The following RSRC1 variants were observed in gnomAD, a reference collection of about 807,000 sequenced individuals.
The protein encoded by RSRC1 is serine/Arginine-related protein 53.
RSRC1 carries 39 observed loss-of-function variants against 49.1 expected under a neutral mutation model. The ratio of observed to expected loss-of-function variants is 0.79; its 90% CI spans 0.61 to 1.04. The LOEUF (loss-of-function observed/expected upper bound fraction) is 1.04, where lower values mean the gene tolerates loss of function less well. Ranked by LOEUF, RSRC1 falls within the 50% of genes least tolerant of loss-of-function variation. RSRC1 has a pLI of 0.00. For synonymous variants in RSRC1, 143 were observed against 130.8 expected, an observed-to-expected ratio of 1.09 and a Z score of -0.63; for missense variants, 388 against 402.4, an observed-to-expected ratio of 0.96 and a Z score of 0.31.
chr3:158,173,949 T>C (rs1473890953), intron 3 of RSRC1, among the ~76,000 whole-genome samples: 1 of 151,218 alleles, frequency 6.6e-6, no homozygotes, highest in Admixed American at 6.6e-5. Context: ...AGGGTTGGGG[T>C]GGGGGGTGGA....
At chr3:158,158,176 G>A (rs1402189206) in intron 3 of RSRC1, among the ~76,000 whole-genome samples, 2 of 152,006 alleles carry the variant, frequency 1.3e-5, no homozygotes, top group African/African-American at 4.8e-5. Context: ...ACTAATACTT[G>A]GTGCATAAAT....
At chr3:158,192,880 A>ATACAT (rs1720329272) in intron 3 of RSRC1, among the ~76,000 whole-genome samples, 2 of 152,206 alleles carry the variant, frequency 1.3e-5, no homozygotes, top group South Asian at 4.1e-4. Context: ...TATAAAAGAT[A>ATACAT]TACATTGAAC....
At chr3:158,319,127 CT>C (rs1362475507) in intron 5 of RSRC1, among the ~76,000 whole-genome samples, 1 of 152,152 alleles carries the variant, frequency 6.6e-6, no homozygotes, top group East Asian at 1.9e-4. Context: ...TATGGTTTGG[CT>C]CCACATCCCC....
At chr3:158,472,430 T>C (rs771850339) in intron 7 of RSRC1, among the ~76,000 whole-genome samples, 24 of 152,122 alleles carry the variant, frequency 1.6e-4, no homozygotes, top group Non-Finnish European at 3.1e-4. Context: ...TATACAAACC[T>C]GAAAAAAATA....
rs367875392 is a variant in RSRC1 at position 158,537,158 on chromosome 3, T to C, written c.719T>C (p.Phe240Ser). ...KEIEAIESDS[F>S]VQQTFRSSKE... ...ATTGAAGCTATTGAAAGTGATTCTT[T>C]TGTTCAGCAGACATTCAGATCAAGT... is the stretch of plus-strand genomic sequence containing the variant. Residue 240 changes from phenylalanine to serine, a missense_variant, in exon 8 of 10, where the codon TTT (phenylalanine) becomes TCT (serine). Physicochemically the swap from Phe to Ser is radical, Grantham distance 155. Coordinates refer to ENST00000611884, the MANE Select transcript of RSRC1 (RefSeq NM_001271838.2). 1 of 1,602,360 alleles carries C rather than the reference T, an allele frequency of 6.2e-7. No individual in the cohort carries two copies. The highest frequency in any genetic ancestry group is 1.3e-5 in the African/African-American group (1 of 74,240).
At chr3:158,137,035 A>G (rs917692771) in intron 3 of RSRC1, 17 of 152,342 alleles carry the variant, frequency 1.1e-4, no homozygotes, top group African/African-American at 3.8e-4. Flanking sequence ...TCCAAAATAA[A>G]GAAGCCCAGA....
At chr3:158,114,202 A>G (rs911227383) in intron 1 of RSRC1, among the ~76,000 whole-genome samples, 3 of 152,002 alleles carry the variant, frequency 2.0e-5, no homozygotes. Flanking sequence ...TCCACTTTCA[A>G]TTTTCTACAT....
intron 5 of RSRC1, among the ~76,000 whole-genome samples, chr3:158,353,860 GT>G (rs945579979): frequency 1.3e-5 from 2 of 151,882 alleles, no homozygotes; most frequent in African/African-American, 4.8e-5. Flanking sequence ...ATGGACAACA[GT>G]TTTTTTAACA....
intron 3 of RSRC1, among the ~76,000 whole-genome samples, chr3:158,185,462 C>A (rs1267474741): frequency 6.6e-6 from 1 of 151,752 alleles, no homozygotes; most frequent in Non-Finnish European, 1.5e-5. Flanking sequence ...CTCAAAAAGT[C>A]CTATTGTTTT....
At chr3:158,407,415 T>G (rs1734207858) in intron 6 of RSRC1, among the ~76,000 whole-genome samples, 1 of 152,178 alleles carries the variant, frequency 6.6e-6, no homozygotes, top group Non-Finnish European at 1.5e-5. Context: ...AAATTGCTTA[T>G]TTTTATATGC....
chr3:158,233,270 T>C (rs533362180), intron 4 of RSRC1, among the ~76,000 whole-genome samples: 1 of 152,262 alleles, frequency 6.6e-6, no homozygotes, highest in Admixed American at 6.5e-5. Context: ...GCCAAAGCCG[T>C]CTATATTTTC....
intron 5 of RSRC1, among the ~76,000 whole-genome samples, chr3:158,343,831 G>A (rs1175701934): frequency 6.6e-6 from 1 of 152,088 alleles, no homozygotes; most frequent in East Asian, 1.9e-4. Context: ...ACTTTAGGTA[G>A]CCAACCATAC....
intron 4 of RSRC1, among the ~76,000 whole-genome samples, chr3:158,293,716 T>C (rs1458099744): frequency 6.6e-6 from 1 of 152,136 alleles, no homozygotes; most frequent in Non-Finnish European, 1.5e-5. Context: ...CTTTGTGTGG[T>C]GAATTTTCTG....
chr3:158,228,922 G>A lies in RSRC1; in HGVS notation c.494+25677G>A, dbSNP rs62286896. The stretch of plus-strand genomic sequence containing the variant: ...TAAACACACATACGTGTATATGTGT[G>A]TATAAACACACATACGTGTATATGT... On this transcript the variant is annotated intron_variant, in intron 4 of 9. Coordinates refer to ENST00000611884, the MANE Select transcript of RSRC1 (RefSeq NM_001271838.2). 1.6e-3 allele frequency among the ~76,000 whole-genome samples: 5 copies of A among 3,134 alleles called. 1 individual carries two copies. The highest frequency in any genetic ancestry group is 3.2e-3 in the Admixed American group (1 of 308). 2.1% of individuals were successfully genotyped at this position (3,134 alleles called of 152,430 possible). A position where few individuals can be genotyped will look rare whatever the true frequency, so the allele number is the denominator to read the frequency against.
intron 4 of RSRC1, among the ~76,000 whole-genome samples, chr3:158,250,526 T>C (rs183304666): frequency 6.6e-6 from 1 of 152,282 alleles, no homozygotes; most frequent in Non-Finnish European, 1.5e-5. Context: ...GGTGAGATAA[T>C]GTTTTGTTGT....
intron 6 of RSRC1, among the ~76,000 whole-genome samples, chr3:158,377,388 C>A (rs1732431283): frequency 6.6e-6 from 1 of 152,126 alleles, no homozygotes; most frequent in Non-Finnish European, 1.5e-5. Flanking sequence ...GTATTTGGAT[C>A]ATGGGAGTGG....
chr3:158,198,136 G>T (rs1720757319), intron 3 of RSRC1, among the ~76,000 whole-genome samples: 1 of 151,978 alleles, frequency 6.6e-6, no homozygotes, highest in East Asian at 1.9e-4. Flanking sequence ...AAGTCTCTTT[G>T]TAAGTCTCTG....
chr3:158,280,470 A>G (rs1199643098), intron 4 of RSRC1, among the ~76,000 whole-genome samples: 2 of 152,042 alleles, frequency 1.3e-5, no homozygotes, highest in Non-Finnish European at 1.5e-5. Flanking sequence ...TATGTTGTTC[A>G]TAATTGTATC....
At chr3:158,409,400 T>C (rs1469114226) in intron 6 of RSRC1, among the ~76,000 whole-genome samples, 2 of 152,186 alleles carry the variant, frequency 1.3e-5, no homozygotes, top group Non-Finnish European at 2.9e-5. Flanking sequence ...AGAGGAGCAG[T>C]TGAACAGAGA....
Sources: gnomAD v4.1 joint callset for allele counts (sites outside exome capture counted in the v4.1 genomes callset) on GRCh38, gnomAD v4.1.1 for gene constraint, MANE v1.5 for transcripts, NCBI Gene and HGNC (gene_info 2026-07-23, HGNC 2026-07-21) for gene names.